Variants in L3MBTL2 observed in about 807,000 individuals in gnomAD.
L3MBTL2 encodes lethal(3)malignant brain tumor-like protein 2.
L3MBTL2 carries 49 observed loss-of-function variants against 86.4 expected under a neutral mutation model. The ratio of observed to expected loss-of-function variants is 0.57; its 90% confidence interval spans 0.45 to 0.72. L3MBTL2 has a LOEUF of 0.72. Among genes scored for constraint, L3MBTL2 ranks in the 30% least tolerant of loss-of-function variants. The pLI is 0.00. For synonymous variants in L3MBTL2, 336 were observed against 350.6 expected (o/e 0.96, Z 0.47); for missense variants, 755 against 923.7 (o/e 0.82, Z 2.37).
chr22:41,223,197 G>T (rs1252332199), intron 8 of L3MBTL2, among the ~76,000 whole-genome samples: 2 of 152,192 alleles, frequency 1.3e-5, no homozygotes, highest in Non-Finnish European at 2.9e-5. Context: ...GCTGCTTTGT[G>T]ACCTCTGAGA....
In L3MBTL2 at chr22:41,230,357, G is replaced by C. The variant is rs1601548229; in HGVS notation, c.*106G>C. 35 of 823,860 alleles carry C rather than the reference G, an allele frequency of 4.2e-5. No individual in the cohort carries two copies. In the East Asian group the frequency reaches 5.4e-4, roughly 13 times the overall value. The allele number at this position is 823,860 out of a possible 1,614,324, so 51.0% of individuals were successfully genotyped here. Reference sequence around the variant, plus strand: ...TTTGGCTTGGAGACTGATCCTCTCTGTGTAAATTCTGCCCGGTGCTGTGAA... The same window carrying C: ...TTTGGCTTGGAGACTGATCCTCTCTCTGTAAATTCTGCCCGGTGCTGTGAA... On this transcript the variant is annotated 3_prime_UTR_variant, in exon 17 of 17. Coordinates refer to ENST00000216237, the MANE Select transcript of L3MBTL2 (RefSeq NM_031488.5).
intron 2 of L3MBTL2, 107 bp downstream of exon 2, chr22:41,210,040 A>G: frequency 7.0e-7 from 1 of 1,431,388 alleles, no homozygotes; most frequent in Non-Finnish European, 9.4e-7. Context: ...GTAAAAGGCT[A>G]TTAACTCTGA....
At chr22:41,221,029 A>T (rs1033854090) in intron 7 of L3MBTL2, among the ~76,000 whole-genome samples, 161 bp downstream of exon 7, 12 of 152,344 alleles carry the variant, frequency 7.9e-5, no homozygotes, top group Admixed American at 2.0e-4. Flanking sequence ...GCCTGGGGGC[A>T]GATCCACGTG....
At chr22:41,230,076 T>TGCGG in intron 16 of L3MBTL2, 63 bp from the exon 17 acceptor site, 10 of 912,336 alleles carry the variant, frequency 1.1e-5, no homozygotes, top group Admixed American at 2.6e-5. Context: ...TCCCAGCTCC[T>TGCGG]CCGCCCCCAC....
chr22:41,216,347 A>G, intron 4 of L3MBTL2, 85 bp downstream of exon 4: 3 of 1,528,370 alleles, frequency 2.0e-6, no homozygotes, highest in Non-Finnish European at 2.7e-6. Context: ...AGGAATGAAG[A>G]CTGGGCAAAC....
At chr22:41,222,933 A>C (rs1257782131) in intron 8 of L3MBTL2, among the ~76,000 whole-genome samples, 1 of 152,178 alleles carries the variant, frequency 6.6e-6, no homozygotes, top group Non-Finnish European at 1.5e-5. Context: ...CAAAAAAAAA[A>C]ACAAAAACTA....
Position 41,230,263 on chromosome 22 carries a change from T to A in L3MBTL2, c.*12T>A. The stretch of plus-strand genomic sequence containing the variant: ...AAACAGACGACTGAGCCTTCCTGCC[T>A]CCAGCCTGGCTTCTAGCTGGAAGCC... On this transcript the variant is annotated 3_prime_UTR_variant, in exon 17 of 17. Coordinates refer to ENST00000216237, the MANE Select transcript of L3MBTL2 (RefSeq NM_031488.5). 6.2e-7 allele frequency: 1 copy of A among 1,604,322 alleles called. No individual in the cohort carries two copies. The highest frequency in any genetic ancestry group is 8.5e-7 in the Non-Finnish European group (1 of 1,171,606).
At chr22:41,222,282 G>C (rs2031881597) in intron 8 of L3MBTL2, among the ~76,000 whole-genome samples, 1 of 152,136 alleles carries the variant, frequency 6.6e-6, no homozygotes, top group African/African-American at 2.4e-5. Flanking sequence ...TCTGGCAGAG[G>C]AAACAAAAGC....
chr22:41,210,525 T>C (rs1170000270), intron 2 of L3MBTL2, among the ~76,000 whole-genome samples: 1 of 152,202 alleles, frequency 6.6e-6, no homozygotes, highest in Non-Finnish European at 1.5e-5. Flanking sequence ...GAGACAGGGT[T>C]TCACCACGTT....
chr22:41,210,744 G>C (rs534427319), intron 2 of L3MBTL2, among the ~76,000 whole-genome samples: 2 of 152,328 alleles, frequency 1.3e-5, no homozygotes, highest in East Asian at 3.9e-4. Flanking sequence ...GATTACAGGA[G>C]TGAGCCACTG....
At chr22:41,221,409 C>T in intron 8 of L3MBTL2, 122 bp downstream of exon 8, 1 of 843,874 alleles carries the variant, frequency 1.2e-6, no homozygotes, top group South Asian at 1.6e-5. Flanking sequence ...AGCAGCTCCA[C>T]ATTTTGCAAG....
chr22:41,215,835 C>T (rs1284629874), intron 3 of L3MBTL2, among the ~76,000 whole-genome samples: 1 of 152,172 alleles, frequency 6.6e-6, no homozygotes, highest in Non-Finnish European at 1.5e-5. Flanking sequence ...CTATCAGTAG[C>T]GACACTGGAG....
At position 41,227,778 on chromosome 22, in the gene L3MBTL2, C is replaced by CT. The variant is rs756175636; in HGVS notation, c.1823-23dup. 1 of 1,613,598 alleles carries CT rather than the reference C, an allele frequency of 6.2e-7. No homozygotes were observed. Among genetic ancestry groups the CT allele is most frequent in the South Asian group, 1.1e-5 (1 of 90,964 alleles). ...CCTCCCAGGGACCCTCTTCTCATCT[C>CT]TTTCACCCTTGTCTTTCAACAACAG... On this transcript the variant is annotated intron_variant, in intron 14 of 16. Transcript: ENST00000216237. This position sits in a 1 kb window ranked among gnomAD's most constrained non-coding sequence, Gnocchi z 6.0.
Position 41,224,068 on chromosome 22 carries a change from G to A in L3MBTL2, c.991G>A (p.Val331Met). The change falls in exon 9 of 17, where the codon GTG becomes ATG. Residue 331 changes from valine to methionine, a missense_variant. Coordinates refer to ENST00000216237, the MANE Select transcript of L3MBTL2 (RefSeq NM_031488.5). This position sits in a 1 kb window ranked among gnomAD's most constrained non-coding sequence, Gnocchi z 4.9. ...CTTTAGGCAGGGCATGCGGCTGGAA[G>A]TGGTGGACAAGTCCCAGGTGTCACG... ...YPFRQGMRLE[V>M]VDKSQVSRTR... 6.2e-7 allele frequency: 1 copy of A among 1,614,206 alleles called. No homozygotes were observed. Among genetic ancestry groups the A allele is most frequent in the Non-Finnish European group, 8.5e-7 (1 of 1,180,034 alleles).
At chr22:41,216,630 T>A (rs1271404743) in intron 4 of L3MBTL2, among the ~76,000 whole-genome samples, 3 of 152,176 alleles carry the variant, frequency 2.0e-5, no homozygotes, top group Non-Finnish European at 4.4e-5. Context: ...GGAGCCTCTC[T>A]CTGAGTGTGT....
At chr22:41,217,023 G>A in intron 4 of L3MBTL2, 100 bp from the exon 5 acceptor site, 3 of 858,278 alleles carry the variant, frequency 3.5e-6, no homozygotes, top group Non-Finnish European at 5.8e-6. Context: ...CTGGGGGTGG[G>A]GGACCTACCT....
intron 4 of L3MBTL2, among the ~76,000 whole-genome samples, chr22:41,216,629 C>T (rs754246646): frequency 2.0e-5 from 3 of 152,160 alleles, no homozygotes; most frequent in Non-Finnish European, 4.4e-5. Flanking sequence ...AGGAGCCTCT[C>T]TCTGAGTGTG....
At chr22:41,211,446 T>TC (rs2030782360) in intron 2 of L3MBTL2, among the ~76,000 whole-genome samples, 1 of 150,414 alleles carries the variant, frequency 6.6e-6, no homozygotes, top group African/African-American at 2.5e-5. Context: ...GCTCAAGTGA[T>TC]CCCCCACCTC....
chr22:41,208,746 T>C (rs1353276833), intron 1 of L3MBTL2, among the ~76,000 whole-genome samples: 1 of 152,094 alleles, frequency 6.6e-6, no homozygotes, highest in Non-Finnish European at 1.5e-5. Flanking sequence ...CGGGGAAGAA[T>C]TTTTGTTTTT....
Sources: allele counts gnomAD v4.1 joint callset (sites outside exome capture counted in the v4.1 genomes callset), GRCh38; gene constraint gnomAD v4.1.1; non-coding constraint Gnocchi (gnomAD v3.1); transcripts MANE v1.5; gene names NCBI Gene and HGNC (gene_info 2026-07-23, HGNC 2026-07-21).